The following SNTG1 variants were observed in gnomAD, a reference collection of about 807,000 sequenced individuals.
SNTG1 encodes the protein gamma-1-syntrophin.
Under a neutral mutation model 74.7 loss-of-function variants are expected in SNTG1, and 39 were observed. The observed-to-expected ratio is 0.52, with a 90% CI of 0.40 to 0.68. The LOEUF (loss-of-function observed/expected upper bound fraction) is 0.68, where lower values mean the gene tolerates loss of function less well. SNTG1 is among the 30% of genes least tolerant of loss of function. SNTG1 has a pLI of 0.00. For missense variants in SNTG1, 685 were observed against 609.5 expected (o/e 1.12, Z -1.30); for synonymous variants, 254 against 217.1 (o/e 1.17, Z -1.49).
chr8:50,254,120 A>G (rs12545365), intron 2 of SNTG1, among the ~76,000 whole-genome samples: 85,954 of 152,120 alleles, frequency 0.57, 28,000 homozygotes, highest in East Asian at 0.83. Context: ...TTTCATCATT[A>G]TACAATGTAT....
At chr8:50,379,596 C>T (rs1181411941) in intron 2 of SNTG1, among the ~76,000 whole-genome samples, 1 of 152,214 alleles carries the variant, frequency 6.6e-6, no homozygotes, top group African/African-American at 2.4e-5. Context: ...GCAGCCATGG[C>T]TGCACCTCTC....
chr8:50,402,164 A>T (rs747260138), intron 3 of SNTG1, 46 bp from the exon 4 acceptor site: 4 of 1,571,558 alleles, frequency 2.5e-6, no homozygotes, highest in Non-Finnish European at 3.4e-6. Flanking sequence ...CAACCTATAA[A>T]CTAAGTATAA....
intron 13 of SNTG1, among the ~76,000 whole-genome samples, chr8:50,620,087 AG>A (rs2094911872): frequency 6.6e-6 from 1 of 152,016 alleles, no homozygotes; most frequent in African/African-American, 2.4e-5. Flanking sequence ...GCTCCTTTCC[AG>A]GGGATCTAAG....
chr8:50,232,559 T>A (rs928684676), intron 2 of SNTG1, among the ~76,000 whole-genome samples: 6 of 151,520 alleles, frequency 4.0e-5, no homozygotes, highest in African/African-American at 1.4e-4. Flanking sequence ...TTTCAATTTT[T>A]GTGAACATAG....
intron 1 of SNTG1, among the ~76,000 whole-genome samples, chr8:49,973,704 A>G (rs1244006503): frequency 1.3e-5 from 2 of 152,160 alleles, no homozygotes; most frequent in Admixed American, 6.6e-5. Context: ...TTCATTTGGC[A>G]TAGATCAAAT....
chr8:50,735,771 A>C (rs1175235428), intron 17 of SNTG1, among the ~76,000 whole-genome samples: 1 of 151,994 alleles, frequency 6.6e-6, no homozygotes, highest in Non-Finnish European at 1.5e-5. Context: ...AATACAGAGA[A>C]CACCACAAAG....
chr8:50,277,264 C>CAAA (rs11361478), intron 2 of SNTG1, among the ~76,000 whole-genome samples: 122 of 95,104 alleles, frequency 1.3e-3, no homozygotes, highest in Middle Eastern at 5.5e-3. Context: ...AAGACCCTGC[C>CAAA]AAAAAAAAAA....
intron 1 of SNTG1, among the ~76,000 whole-genome samples, chr8:49,921,306 G>C (rs986812803): frequency 6.6e-6 from 1 of 152,038 alleles, no homozygotes; most frequent in Non-Finnish European, 1.5e-5. Context: ...ACATACCATG[G>C]TTAACAGTGT....
chr8:50,352,938 A>G (rs918288728), intron 2 of SNTG1, among the ~76,000 whole-genome samples: 8 of 152,150 alleles, frequency 5.3e-5, no homozygotes, highest in African/African-American at 1.2e-4. Context: ...TCATGCTGCT[A>G]TAGAGACACA....
At chr8:50,633,449 A>C (rs2095017092) in intron 13 of SNTG1, among the ~76,000 whole-genome samples, 1 of 152,322 alleles carries the variant, frequency 6.6e-6, no homozygotes, top group South Asian at 2.1e-4. Flanking sequence ...TACCTGGCTC[A>C]CCAGAGAGAT....
At chr8:50,470,569 C>T (rs554138280) in intron 8 of SNTG1, among the ~76,000 whole-genome samples, 39 of 152,122 alleles carry the variant, frequency 2.6e-4, no homozygotes, top group Non-Finnish European at 3.5e-4. Context: ...TTGTTCCTCC[C>T]GGTGGGTTTG....
chr8:50,412,700 C>T (rs139593389), intron 4 of SNTG1, among the ~76,000 whole-genome samples: 10 of 152,160 alleles, frequency 6.6e-5, no homozygotes, highest in Non-Finnish European at 8.8e-5. Flanking sequence ...TAGAATTTTG[C>T]GGGATATATG....
chr8:50,636,928 A>G (rs2095042785), intron 13 of SNTG1, among the ~76,000 whole-genome samples: 1 of 152,198 alleles, frequency 6.6e-6, no homozygotes, highest in Non-Finnish European at 1.5e-5. Context: ...AGACTAAAAC[A>G]GGTGTTCTTG....
chr8:49,937,216 G>C (rs1585573506), intron 1 of SNTG1, among the ~76,000 whole-genome samples: 2 of 151,868 alleles, frequency 1.3e-5, no homozygotes, highest in East Asian at 1.9e-4. Flanking sequence ...CAAACAAAGG[G>C]AAAAAAGAGT....
At position 50,622,973 on chromosome 8, in the gene SNTG1, T is replaced by C. The variant is rs546205545; in HGVS notation, c.849+32056T>C. Among the ~76,000 whole-genome samples the C allele has an allele frequency of 3.9e-5, 6 of 152,262 alleles. No homozygotes were observed. The South Asian group carries it at 1.2e-3, about 32-fold the overall frequency. Reference sequence around the variant, plus strand: ...ATTTATAAGTGTTTTTAAAAATTTATTTTTAATGCACAGAAATGCGACTGA... The same window carrying C: ...ATTTATAAGTGTTTTTAAAAATTTACTTTTAATGCACAGAAATGCGACTGA... On this transcript the variant is annotated intron_variant, in intron 13 of 18. Coordinates refer to ENST00000642720, the MANE Select transcript of SNTG1 (RefSeq NM_018967.5).
chr8:50,090,944 G>C (rs974630796), intron 1 of SNTG1, among the ~76,000 whole-genome samples: 17 of 152,204 alleles, frequency 1.1e-4, no homozygotes, highest in African/African-American at 4.1e-4. Context: ...AATTTATATA[G>C]AAAGGACTAG....
At chr8:50,000,203 T>C (rs1814615851) in intron 1 of SNTG1, among the ~76,000 whole-genome samples, 2 of 152,302 alleles carry the variant, frequency 1.3e-5, no homozygotes, top group South Asian at 2.1e-4. Flanking sequence ...CTGCTTGTCA[T>C]TGTGTTGAAA....
At chr8:49,914,287 T>C (rs894127335) in intron 1 of SNTG1, among the ~76,000 whole-genome samples, 1 of 152,018 alleles carries the variant, frequency 6.6e-6, no homozygotes, top group African/African-American at 2.4e-5. Context: ...TTTGCTTTGA[T>C]AGTTATTTTG....
At chr8:49,994,256 C>CT (rs11367514) in intron 1 of SNTG1, among the ~76,000 whole-genome samples, 92 of 101,236 alleles carry the variant, frequency 9.1e-4, no homozygotes, top group South Asian at 1.9e-3. Flanking sequence ...TTTTATTCTT[C>CT]TTTTTTTTTT....
Sources: gnomAD v4.1 joint callset for allele counts (sites outside exome capture counted in the v4.1 genomes callset) on GRCh38, gnomAD v4.1.1 for gene constraint, MANE v1.5 for transcripts, NCBI Gene and HGNC (gene_info 2026-07-23, HGNC 2026-07-21) for gene names.